LRRC4C: variants seen among roughly 807,000 people sequenced by gnomAD.
The protein encoded by LRRC4C is leucine rich repeat containing 4C.
Under a neutral mutation model 33.6 loss-of-function variants are expected in LRRC4C, and 5 were observed. The observed-to-expected ratio is 0.15, with a 90% CI of 0.08 to 0.31. LRRC4C has a LOEUF of 0.31. Ranked by LOEUF, LRRC4C falls within the 10% of genes least tolerant of loss-of-function variation. The pLI is 1.00. For missense variants in LRRC4C, 560 were observed against 796.7 expected (o/e 0.70, Z 3.58); for synonymous variants, 329 against 302.0 (o/e 1.09, Z -0.93).
intron 6 of LRRC4C, among the ~76,000 whole-genome samples, chr11:40,134,522 C>T (rs1856845673): frequency 6.6e-6 from 1 of 152,028 alleles, no homozygotes; most frequent in African/African-American, 2.4e-5. Flanking sequence ...ACAGGCAAAA[C>T]TGGAAGGGAA....
intron 2 of LRRC4C, among the ~76,000 whole-genome samples, chr11:40,649,203 C>A (rs1383986914): frequency 6.6e-6 from 1 of 152,082 alleles, no homozygotes; most frequent in Non-Finnish European, 1.5e-5. Context: ...CTGGAATTTC[C>A]CAATCCTAGT....
At chr11:41,002,815 T>C (rs1173861786) in intron 1 of LRRC4C, among the ~76,000 whole-genome samples, 1 of 152,104 alleles carries the variant, frequency 6.6e-6, no homozygotes, top group African/African-American at 2.4e-5. Flanking sequence ...ATGCTCAGGA[T>C]ATGTGTTAAG....
At chr11:41,038,888 ATCCCTTC>A (rs1857252565) in intron 1 of LRRC4C, among the ~76,000 whole-genome samples, 1 of 152,252 alleles carries the variant, frequency 6.6e-6, no homozygotes, top group African/African-American at 2.4e-5. Context: ...ACTTCCCCTC[ATCCCTTC>A]TCCTGATAGT....
chr11:40,262,259 G>A (rs541344752), intron 4 of LRRC4C, among the ~76,000 whole-genome samples: 12 of 152,184 alleles, frequency 7.9e-5, no homozygotes, highest in Non-Finnish European at 1.2e-4. Context: ...TTAGAGAAAC[G>A]CAAATCAAAA....
At chr11:41,423,795 A>C (rs1023207865) in intron 1 of LRRC4C, 3 of 152,016 alleles carry the variant, frequency 2.0e-5, no homozygotes, top group African/African-American at 7.2e-5. Flanking sequence ...AGAGGCTAGG[A>C]GGGACAGTAG....
intron 2 of LRRC4C, among the ~76,000 whole-genome samples, chr11:40,740,502 A>C (rs141415166): frequency 6.6e-6 from 1 of 152,134 alleles, no homozygotes; most frequent in East Asian, 1.9e-4. Context: ...TTGTTTTCTT[A>C]CTAATGGGTT....
intron 1 of LRRC4C, among the ~76,000 whole-genome samples, chr11:41,139,142 A>C (rs796329935): frequency 2.0e-5 from 3 of 152,344 alleles, no homozygotes; most frequent in African/African-American, 7.2e-5. Context: ...TGAATACTTA[A>C]TATAGTATTT....
chr11:40,808,972 C>T (rs1050642017), intron 2 of LRRC4C, among the ~76,000 whole-genome samples: 2 of 152,108 alleles, frequency 1.3e-5, no homozygotes, highest in African/African-American at 2.4e-5. Flanking sequence ...ACCTCTCTCC[C>T]CTCTCCTGGG....
chr11:40,823,318 A>G (rs1183285647), intron 2 of LRRC4C, among the ~76,000 whole-genome samples: 1 of 151,732 alleles, frequency 6.6e-6, no homozygotes, highest in African/African-American at 2.4e-5. Context: ...TCAATGAGAG[A>G]AAAAAATAAT....
chr11:41,265,655 A>G (rs1190194026), intron 1 of LRRC4C, among the ~76,000 whole-genome samples: 1 of 152,110 alleles, frequency 6.6e-6, no homozygotes, highest in Non-Finnish European at 1.5e-5. Context: ...TATCAACTTT[A>G]TATTGTTCTC....
chr11:40,175,991 A>G (rs1860450670), intron 5 of LRRC4C, among the ~76,000 whole-genome samples: 1 of 152,244 alleles, frequency 6.6e-6, no homozygotes. Flanking sequence ...GAGTCTCCCA[A>G]GTTCATAATG....
intron 1 of LRRC4C, among the ~76,000 whole-genome samples, chr11:41,155,571 C>T (rs967600323): frequency 6.6e-6 from 1 of 152,132 alleles, no homozygotes; most frequent in East Asian, 1.9e-4. Context: ...TGGACTCATC[C>T]GTTGAGAGAT....
At chr11:40,608,950 G>C (rs1960915524) in intron 3 of LRRC4C, among the ~76,000 whole-genome samples, 1 of 152,076 alleles carries the variant, frequency 6.6e-6, no homozygotes, top group African/African-American at 2.4e-5. Flanking sequence ...GAACTGACAG[G>C]AGAAACAGAG....
At chr11:40,366,620 G>C (rs553603978) in intron 3 of LRRC4C, among the ~76,000 whole-genome samples, 1 of 152,136 alleles carries the variant, frequency 6.6e-6, no homozygotes, top group South Asian at 2.1e-4. Context: ...GGCAATTTGT[G>C]TGTATTCTCA....
chr11:40,174,046 A>T (rs911770448), intron 5 of LRRC4C, among the ~76,000 whole-genome samples: 1 of 152,198 alleles, frequency 6.6e-6, no homozygotes, highest in Non-Finnish European at 1.5e-5. Flanking sequence ...CTTTTTCAAA[A>T]GCCCCACCTA....
intron 1 of LRRC4C, among the ~76,000 whole-genome samples, chr11:41,388,857 C>T (rs748996305): frequency 3.3e-5 from 5 of 151,794 alleles, no homozygotes; most frequent in Non-Finnish European, 5.9e-5. Flanking sequence ...AGTTCCTCAA[C>T]CTGTCTTTGC....
intron 1 of LRRC4C, among the ~76,000 whole-genome samples, chr11:41,335,267 G>T (rs925503391): frequency 6.6e-6 from 1 of 152,144 alleles, no homozygotes; most frequent in African/African-American, 2.4e-5. Flanking sequence ...CATTTCATTG[G>T]TAAAAGCAGA....
intron 2 of LRRC4C, among the ~76,000 whole-genome samples, chr11:40,899,098 G>GAAA (rs374704933): frequency 0.025 from 3,675 of 149,088 alleles, 171 homozygotes; most frequent in African/African-American, 0.086. Context: ...TGGTCATTTT[G>GAAA]AAAAAAAAAA....
chr11:40,696,477 G>GT (rs1270002661), intron 2 of LRRC4C, among the ~76,000 whole-genome samples: 1 of 148,524 alleles, frequency 6.7e-6, no homozygotes, highest in Non-Finnish European at 1.5e-5. Flanking sequence ...GCTAAATGCT[G>GT]TTTTTGTATT....
Sources: allele counts gnomAD v4.1 joint callset (sites outside exome capture counted in the v4.1 genomes callset), GRCh38; gene constraint gnomAD v4.1.1; transcripts MANE v1.5; gene names NCBI Gene and HGNC (gene_info 2026-07-23, HGNC 2026-07-21).